The following APAF1 variants were observed in gnomAD, a reference collection of about 807,000 sequenced individuals.
APAF1 encodes the protein apoptotic peptidase activating factor 1.
Under a neutral mutation model 152.4 loss-of-function variants are expected in APAF1, and 91 were observed. The ratio of observed to expected loss-of-function variants is 0.60; its 90% CI spans 0.50 to 0.71. The LOEUF (loss-of-function observed/expected upper bound fraction) is 0.71. Among genes scored for constraint, APAF1 ranks in the 30% least tolerant of loss-of-function variants. APAF1 has a pLI of 0.00. For missense variants in APAF1, 1,283 were observed against 1,472.0 expected, an observed-to-expected ratio of 0.87 and a Z score of 2.10; for synonymous variants, 484 against 494.1, an observed-to-expected ratio of 0.98 and a Z score of 0.27.
At chr12:98,683,057 TTGCAAA>T in intron 14 of APAF1, 80 bp from the exon 15 acceptor site, 1 of 1,046,150 alleles carries the variant, frequency 9.6e-7, no homozygotes, top group East Asian at 2.6e-5. Context: ...AAGATAGCAT[TTGCAAA>T]GCAATGGACA....
At chr12:98,646,141 G>GT (rs1306745329) in intron 1 of APAF1, among the ~76,000 whole-genome samples, 1 of 152,182 alleles carries the variant, frequency 6.6e-6, no homozygotes, top group Non-Finnish European at 1.5e-5. Context: ...GCATATTTTA[G>GT]TTTAACAGGA....
chr12:98,653,692 AT>A (rs1342238615), intron 4 of APAF1, among the ~76,000 whole-genome samples: 3 of 15,054 alleles, frequency 2.0e-4, no homozygotes, highest in Non-Finnish European at 2.9e-4. Context: ...AAAAAAAAAA[AT>A]ATATATATAT....
At chr12:98,701,221 A>G (rs1309860313) in intron 17 of APAF1, among the ~76,000 whole-genome samples, 1 of 152,200 alleles carries the variant, frequency 6.6e-6, no homozygotes, top group South Asian at 2.1e-4. Flanking sequence ...GAATTGGACT[A>G]TCATACTTGG....
chr12:98,689,801 G>C lies in APAF1; in HGVS notation c.2304+2928G>C, dbSNP rs955545172. Among the ~76,000 whole-genome samples the C allele has an allele frequency of 3.0e-4, 45 of 152,092 alleles. 1 individual carries two copies. The highest frequency in any genetic ancestry group is 8.5e-4 in the Admixed American group (13 of 15,276). ...AAGTGTTCTCTTACAGCATCCATCT[G>C]TTTGGTTCTGAGTACATATATCTAT... On this transcript the variant is annotated intron_variant, in intron 16 of 26. Transcript: ENST00000551964.
intron 12 of APAF1, among the ~76,000 whole-genome samples, chr12:98,672,825 G>A (rs550068084): frequency 7.9e-5 from 12 of 151,778 alleles, no homozygotes; most frequent in South Asian, 4.2e-4. Flanking sequence ...CACGATCTCC[G>A]CTCACGGCAA....
At chr12:98,646,634 T>A (rs2097640904) in intron 1 of APAF1, among the ~76,000 whole-genome samples, 1 of 152,214 alleles carries the variant, frequency 6.6e-6, no homozygotes, top group African/African-American at 2.4e-5. Flanking sequence ...TCTTGGTGTC[T>A]GACATATAGG....
At chr12:98,665,106 C>T (rs1344588777) in intron 7 of APAF1, among the ~76,000 whole-genome samples, 2 of 149,008 alleles carry the variant, frequency 1.3e-5, no homozygotes, top group African/African-American at 2.5e-5. Flanking sequence ...CATGGCTCAC[C>T]GTAGCCTCAA....
intron 7 of APAF1, among the ~76,000 whole-genome samples, chr12:98,663,053 C>T (rs2097667591): frequency 6.6e-6 from 1 of 152,128 alleles, no homozygotes; most frequent in Non-Finnish European, 1.5e-5. Flanking sequence ...AGAAGTGAGA[C>T]ACAGATGTGA....
At chr12:98,727,856 G>C (rs750438876) in intron 26 of APAF1, among the ~76,000 whole-genome samples, 1 of 151,888 alleles carries the variant, frequency 6.6e-6, no homozygotes, top group South Asian at 2.1e-4. Context: ...CAGGAGAATC[G>C]CTTGAACCCG....
intron 18 of APAF1, among the ~76,000 whole-genome samples, chr12:98,704,760 T>A (rs1453661266): frequency 6.6e-6 from 1 of 151,850 alleles, no homozygotes; most frequent in Non-Finnish European, 1.5e-5. Flanking sequence ...GCAGAGACTT[T>A]GAATTGGAAG....
chr12:98,699,162 A>C (rs2097712632), intron 16 of APAF1, among the ~76,000 whole-genome samples: 1 of 151,986 alleles, frequency 6.6e-6, no homozygotes, highest in South Asian at 2.1e-4. Flanking sequence ...ACCATGCAAG[A>C]CTCTTAACTT....
chr12:98,706,470 G>A lies in APAF1; in HGVS notation c.2596-15G>A. On this transcript the variant is annotated splice_polypyrimidine_tract_variant and intron_variant, in intron 18 of 26. Transcript: ENST00000551964. ...TTATGTATGTGATTTCCTATATGCT[G>A]TGTTTATTCTGTAGTTGTGGAATAC... 1 of 1,613,800 alleles carries A rather than the reference G, an allele frequency of 6.2e-7. No homozygotes were observed. The highest frequency in any genetic ancestry group is 1.1e-5 in the South Asian group (1 of 91,074).
At chr12:98,677,336 T>G (rs763506833) in intron 12 of APAF1, 89 bp from the exon 13 acceptor site, 13 of 1,382,694 alleles carry the variant, frequency 9.4e-6, no homozygotes, top group Non-Finnish European at 1.3e-5. Context: ...CATAACCATG[T>G]TAAAAGACAG....
Position 98,713,110 on chromosome 12 carries a change from C to T in APAF1, c.2958+675C>T, listed in dbSNP as rs182205952. ...TTGGGATTACAGGCATGAGCCACCA[C>T]ATCCAGCCTATTGTACACTTTTATA... On this transcript the variant is annotated intron_variant, in intron 21 of 26. Coordinates refer to ENST00000551964, the MANE Select transcript of APAF1 (RefSeq NM_181861.2). Among the ~76,000 whole-genome samples the T allele has an allele frequency of 6.0e-4, 91 of 152,346 alleles. 1 individual carries two copies. The highest frequency in any genetic ancestry group is 1.7e-3 in the African/African-American group (71 of 41,592).
intron 16 of APAF1, among the ~76,000 whole-genome samples, chr12:98,697,257 A>AGC (rs2097710947): frequency 1.3e-5 from 2 of 152,238 alleles, no homozygotes. Context: ...TGTTCCCTCA[A>AGC]GCCCTCAGCT....
In APAF1 at chr12:98,690,842, C is replaced by G. The variant is rs2097703359; in HGVS notation, c.2304+3969C>G. 3.9e-5 allele frequency among the ~76,000 whole-genome samples: 6 copies of G among 152,254 alleles called. No homozygotes were observed. The South Asian group carries it at 1.2e-3, about 32-fold the overall frequency. ...GATTAAAACCATCCACCAAGAGTCC[C>G]CTATCATAAGCCCCCTCAGAAATTG... On this transcript the variant is annotated intron_variant, in intron 16 of 26. Transcript: ENST00000551964.
In APAF1 at chr12:98,715,529, A is replaced by G. The variant is rs2097733798; in HGVS notation, c.3061A>G (p.Ser1021Gly). The change falls in exon 22 of 27, where the codon AGT becomes GGT. Residue 1021 changes from serine to glycine, a missense_variant. Coordinates refer to ENST00000551964, the MANE Select transcript of APAF1 (RefSeq NM_181861.2). ...AGCCGATGAGAAGACTCTTATTTCA[A>G]GTTCTGATGATGCTGAAATTCAGGT... ...FTADEKTLIS[S>G]SDDAEIQVWN... 30 of 1,613,694 alleles carry G rather than the reference A, an allele frequency of 1.9e-5. No homozygotes were observed. Among genetic ancestry groups the G allele is most frequent in the Non-Finnish European group, 2.5e-5 (29 of 1,179,784 alleles).
chr12:98,658,125 A>G lies in APAF1; in HGVS notation c.527-1035A>G, dbSNP rs866606433. On this transcript the variant is annotated intron_variant, in intron 4 of 26. Coordinates refer to ENST00000551964, the MANE Select transcript of APAF1 (RefSeq NM_181861.2). ...CACATAAATCTTTATGATTGATGCTACTGGAATGATCTAATGCTACTGTTT... is the reference window on the plus strand; with the variant it reads ...CACATAAATCTTTATGATTGATGCTGCTGGAATGATCTAATGCTACTGTTT... Among the ~76,000 whole-genome samples, 4 of 152,126 alleles carry G rather than the reference A, an allele frequency of 2.6e-5. No individual in the cohort carries two copies. In the South Asian group the frequency reaches 6.2e-4, roughly 24 times the overall value.
chr12:98,650,378 C>T (rs1565852438), intron 4 of APAF1, among the ~76,000 whole-genome samples: 2 of 151,926 alleles, frequency 1.3e-5, no homozygotes, highest in Admixed American at 6.6e-5. Context: ...CCCAGCTACT[C>T]GGGAGGCTGA....
Sources: allele counts gnomAD v4.1 joint callset (sites outside exome capture counted in the v4.1 genomes callset), GRCh38; gene constraint gnomAD v4.1.1; transcripts MANE v1.5; gene names NCBI Gene and HGNC (gene_info 2026-07-23, HGNC 2026-07-21).